Variants in PPP1R1B observed in about 807,000 individuals in gnomAD.
PPP1R1B encodes the protein protein phosphatase 1 regulatory inhibitor subunit 1B.
In PPP1R1B, 13 loss-of-function variants were observed where a neutral mutation model predicts 28.2. That is an observed-to-expected ratio of 0.46 (90% confidence interval 0.30 to 0.73). PPP1R1B has a LOEUF of 0.73. Ranked by LOEUF, PPP1R1B falls within the 30% of genes least tolerant of loss-of-function variation. The probability of loss-of-function intolerance (pLI) is 0.07; values close to 1 mark genes in which losing one functional copy is unlikely to be tolerated. For synonymous variants in PPP1R1B, 102 were observed against 97.5 expected, an observed-to-expected ratio of 1.05 and a Z score of -0.27; for missense variants, 236 against 256.7, an observed-to-expected ratio of 0.92 and a Z score of 0.55.
chr17:39,631,835 A>G (rs950074626), intron 4 of PPP1R1B, among the ~76,000 whole-genome samples: 4 of 152,084 alleles, frequency 2.6e-5, no homozygotes, highest in Non-Finnish European at 4.4e-5. Context: ...GGTGTGTGGA[A>G]GGGCCCCAAA....
At chr17:39,628,065 A>G (rs1418310369) in intron 1 of PPP1R1B, among the ~76,000 whole-genome samples, 1 of 152,060 alleles carries the variant, frequency 6.6e-6, no homozygotes, top group Non-Finnish European at 1.5e-5. Context: ...TCACAAAGCC[A>G]GACCTCTTCC....
chr17:39,630,080 C>T (rs370704188), intron 4 of PPP1R1B, 33 bp downstream of exon 4: 26 of 1,595,494 alleles, frequency 1.6e-5, no homozygotes, highest in African/African-American at 1.2e-4. Context: ...CCTGGCTGTC[C>T]GCCTGATCCC....
chr17:39,634,626 C>G (rs558638765), intron 5 of PPP1R1B, among the ~76,000 whole-genome samples: 1 of 152,320 alleles, frequency 6.6e-6, no homozygotes, highest in Admixed American at 6.5e-5. Context: ...ATTCAAGAAC[C>G]AGCCCGGCCC....
chr17:39,627,807 C>T (rs2144833215), intron 1 of PPP1R1B, among the ~76,000 whole-genome samples: 1 of 151,876 alleles, frequency 6.6e-6, no homozygotes, highest in East Asian at 1.9e-4. Context: ...AAAGGGTAGT[C>T]AGTCTCCTAG....
Position 39,629,246 on chromosome 17 carries a change from C to T in PPP1R1B, c.142+16C>T, listed in dbSNP as rs1207334029. The T allele has an allele frequency of 2.5e-6, 4 of 1,610,704 alleles. No individual in the cohort carries two copies. The highest frequency in any genetic ancestry group is 2.7e-5 in the African/African-American group (2 of 74,854). On this transcript the variant is annotated intron_variant, in intron 2 of 6. Transcript: ENST00000254079. ...TCCTCACCAGGTAGGCCCCTCCCTG[C>T]CCACTTAGCCCTGGCCCCACCCTAG...
rs776179749 is a variant in PPP1R1B, at chr17:39,635,557, C to T, written c.446-50C>T. On this transcript the variant is annotated intron_variant, in intron 5 of 6. Transcript: ENST00000254079. ...CACTTAGCTCACACTCCAGGACAGC[C>T]GGATGGATACGCAGAGCCTGTGTTC... The T allele has an allele frequency of 1.4e-5, 23 of 1,588,812 alleles. No individual in the cohort carries two copies. In the South Asian group the frequency reaches 1.6e-4, roughly 11 times the overall value.
In PPP1R1B at chr17:39,627,738, C is replaced by A. The variant is rs978388904; in HGVS notation, c.81+265C>A. Among the ~76,000 whole-genome samples, 107 of 151,934 alleles carry A rather than the reference C, an allele frequency of 7.0e-4. 1 individual carries two copies. The highest frequency in any genetic ancestry group is 7.8e-4 in the East Asian group (4 of 5,154). On this transcript the variant is annotated intron_variant, in intron 1 of 6. Transcript: ENST00000254079. Reference sequence around the variant, plus strand: ...GGGGGTGCGGGGGTGGGGGGACAGGCCGATTCCAGACCGCCCAGGAGTGGG... The same window carrying A: ...GGGGGTGCGGGGGTGGGGGGACAGGACGATTCCAGACCGCCCAGGAGTGGG...
chr17:39,635,242 C>T (rs1053291617), intron 5 of PPP1R1B, among the ~76,000 whole-genome samples: 2 of 151,992 alleles, frequency 1.3e-5, no homozygotes, highest in Non-Finnish European at 2.9e-5. Context: ...AAAAAACAAA[C>T]AAACAAAAAA....
At chr17:39,631,688 C>T (rs578074205) in intron 4 of PPP1R1B, among the ~76,000 whole-genome samples, 1 of 152,256 alleles carries the variant, frequency 6.6e-6, no homozygotes, top group African/African-American at 2.4e-5. Flanking sequence ...GGGTTGGGAA[C>T]AGAGAGGAGA....
chr17:39,631,306 T>C (rs1378204477), intron 4 of PPP1R1B, among the ~76,000 whole-genome samples: 3 of 152,056 alleles, frequency 2.0e-5, no homozygotes, highest in South Asian at 4.1e-4. Context: ...TGAAGGATCA[T>C]AGGAATTTAA....
chr17:39,630,143 G>A (rs1047257495), intron 4 of PPP1R1B, 96 bp downstream of exon 4: 50 of 1,129,730 alleles, frequency 4.4e-5, no homozygotes, highest in East Asian at 9.7e-5. Flanking sequence ...GGATTGTTTC[G>A]CCACACATAG....
chr17:39,634,167 T>C, intron 5 of PPP1R1B, 81 bp downstream of exon 5: 2 of 1,563,468 alleles, frequency 1.3e-6, no homozygotes, highest in Non-Finnish European at 1.7e-6. Context: ...TAGTTCAGTG[T>C]CTCATACACG....
intron 4 of PPP1R1B, among the ~76,000 whole-genome samples, chr17:39,630,859 C>A (rs1252509320): frequency 2.0e-5 from 3 of 152,198 alleles, no homozygotes; most frequent in Non-Finnish European, 4.4e-5. Flanking sequence ...CACCTGAGGT[C>A]AGGAGTTTGA....
intron 1 of PPP1R1B, among the ~76,000 whole-genome samples, chr17:39,628,933 G>A (rs539572765): frequency 3.9e-5 from 6 of 152,334 alleles, no homozygotes; most frequent in African/African-American, 1.2e-4. Flanking sequence ...GGTTTTTCTC[G>A]TCCTTTGGAC....
intron 1 of PPP1R1B, among the ~76,000 whole-genome samples, chr17:39,627,716 G>C (rs1035625959): frequency 6.6e-6 from 1 of 152,082 alleles, no homozygotes; most frequent in Admixed American, 6.5e-5. Flanking sequence ...TGAGGCTGGG[G>C]GTGCGGGGGT....
Position 39,633,179 on chromosome 17 carries a change from C to T in PPP1R1B, c.242-704C>T, listed in dbSNP as rs12601930. 0.018 allele frequency: 2,796 copies of T among 153,560 alleles called. 209 individuals carry two copies. The East Asian group carries it at 0.2, about 11-fold the overall frequency. 9.5% of individuals were successfully genotyped at this position (153,560 alleles called of 1,614,324 possible). Reference sequence around the variant, plus strand: ...AGGCTGGGGGGGTTGCTTTCTAGGTCACCGCAGAGGGAGCTGGGAACCTGG... The same window carrying T: ...AGGCTGGGGGGGTTGCTTTCTAGGTTACCGCAGAGGGAGCTGGGAACCTGG... On this transcript the variant is annotated intron_variant, in intron 4 of 6. Transcript: ENST00000254079.
intron 4 of PPP1R1B, among the ~76,000 whole-genome samples, chr17:39,631,915 G>C (rs2056880686): frequency 6.6e-6 from 1 of 152,100 alleles, no homozygotes; most frequent in Non-Finnish European, 1.5e-5. Context: ...TCCCACCTTG[G>C]GCTGGGTAGG....
chr17:39,635,476 A>C, intron 5 of PPP1R1B, 131 bp from the exon 6 acceptor site: 1 of 1,244,902 alleles, frequency 8.0e-7, no homozygotes, highest in South Asian at 1.4e-5. Context: ...GTTCTAGCCC[A>C]GTTCTCTCTC....
At chr17:39,629,904 T>C in intron 3 of PPP1R1B, 68 bp from the exon 4 acceptor site, 1 of 1,474,682 alleles carries the variant, frequency 6.8e-7, no homozygotes, top group Non-Finnish European at 9.5e-7. Context: ...ATGGGTGGGA[T>C]GGAATGGAGG....
Sources: gnomAD v4.1 joint callset for allele counts (sites outside exome capture counted in the v4.1 genomes callset) on GRCh38, gnomAD v4.1.1 for gene constraint, MANE v1.5 for transcripts, NCBI Gene and HGNC (gene_info 2026-07-23, HGNC 2026-07-21) for gene names.